COL6A5: variants seen among roughly 807,000 people sequenced by gnomAD.
The protein encoded by COL6A5 is collagen alpha-5(VI) chain.
COL6A5 carries 48 observed loss-of-function variants against 65.6 expected under a neutral mutation model. The observed-to-expected ratio is 0.73, with a 90% confidence interval of 0.58 to 0.93. The LOEUF (loss-of-function observed/expected upper bound fraction) is 0.93, where lower values mean the gene tolerates loss of function less well. Among genes scored for constraint, COL6A5 ranks in the 40% least tolerant of loss-of-function variants. The pLI is 0.00. For missense variants in COL6A5, 914 were observed against 928.3 expected (o/e 0.98, Z 0.20); for synonymous variants, 291 against 322.8 (o/e 0.90, Z 1.05).
chr3:130,351,248 C>T (rs941260339), intron 1 of COL6A5, among the ~76,000 whole-genome samples: 4 of 152,174 alleles, frequency 2.6e-5, no homozygotes, highest in African/African-American at 9.7e-5. Context: ...AGGACATAGG[C>T]ATGGGCAAGG....
At chr3:130,377,495 A>G (rs928217915) in intron 3 of COL6A5, among the ~76,000 whole-genome samples, 3 of 152,240 alleles carry the variant, frequency 2.0e-5, no homozygotes, top group Non-Finnish European at 4.4e-5. Context: ...ATGAGACACT[A>G]TTAGTACATG....
At chr3:130,460,645 G>A (rs1709681447) in intron 5 of COL6A5, among the ~76,000 whole-genome samples, 1 of 152,022 alleles carries the variant, frequency 6.6e-6, no homozygotes, top group Admixed American at 6.6e-5. Flanking sequence ...CGGTGGTGAT[G>A]ATAGTGTTGG....
chr3:130,449,611 A>T (rs529537190), intron 4 of COL6A5, among the ~76,000 whole-genome samples: 1 of 152,304 alleles, frequency 6.6e-6, no homozygotes, highest in East Asian at 1.9e-4. Context: ...CATCAGCACC[A>T]GTATCTACTA....
intron 17 of COL6A5, among the ~76,000 whole-genome samples, chr3:130,407,767 T>G (rs540687828): frequency 2.0e-5 from 3 of 152,216 alleles, no homozygotes; most frequent in Non-Finnish European, 4.4e-5. Flanking sequence ...TCAATATGCC[T>G]GCAAGGATCC....
exon 3 of COL6A5, chr3:130,376,666 C>A (rs528892434): frequency 6.2e-7 from 1 of 1,613,424 alleles, no homozygotes; most frequent in Non-Finnish European, 8.5e-7. Flanking sequence ...AAAATTATCT[C>A]CGTGGGGGTG....
At position 130,471,769 on chromosome 3, in the gene COL6A5, A is replaced by G. The variant is rs554216815; in HGVS notation, c.2328+802A>G. ...CCCAGGCACAACATCTCCTTGTATT[A>G]GGGAACAATCATAGTAGTGGTTCTG... On this transcript the variant is annotated intron_variant, in intron 7 of 7. Transcript: ENST00000512836. 1.2e-3 allele frequency: 1,871 copies of G among 1,534,704 alleles called. 4 individuals carry two copies. Among genetic ancestry groups the G allele is most frequent in the South Asian group, 1.7e-3 (146 of 84,008 alleles).
At chr3:130,407,004 T>A (rs1435867266) in intron 17 of COL6A5, among the ~76,000 whole-genome samples, 1 of 152,102 alleles carries the variant, frequency 6.6e-6, no homozygotes, top group Non-Finnish European at 1.5e-5. Context: ...TAGAATTACA[T>A]AAAATGTGAG....
chr3:130,413,640 G>T (rs1443835966), intron 21 of COL6A5, 60 bp downstream of exon 21: 1 of 1,489,972 alleles, frequency 6.7e-7, no homozygotes, highest in African/African-American at 1.4e-5. Flanking sequence ...TTTCTCCCAT[G>T]TAGGTGGTGC....
At chr3:130,352,797 G>A (rs1934772582) in intron 1 of COL6A5, among the ~76,000 whole-genome samples, 1 of 152,146 alleles carries the variant, frequency 6.6e-6, no homozygotes. Context: ...TTGGACAGAA[G>A]GAGATAACAT....
chr3:130,379,177 G>A (rs1014802409), intron 3 of COL6A5, among the ~76,000 whole-genome samples: 4 of 152,012 alleles, frequency 2.6e-5, no homozygotes, highest in Non-Finnish European at 4.4e-5. Flanking sequence ...CATGGGATGT[G>A]GTAGGGAAAT....
intron 7 of COL6A5, among the ~76,000 whole-genome samples, chr3:130,480,983 C>T (rs927588150): frequency 9.2e-5 from 14 of 151,974 alleles, no homozygotes; most frequent in African/African-American, 2.9e-4. Flanking sequence ...GAAACGCAGG[C>T]GCCTAAATTA....
chr3:130,354,300 G>A (rs1934839609), intron 1 of COL6A5, among the ~76,000 whole-genome samples: 2 of 152,130 alleles, frequency 1.3e-5, no homozygotes, highest in African/African-American at 4.8e-5. Flanking sequence ...AGCGGGAAAA[G>A]GAAATGAATG....
Position 130,422,789 on chromosome 3 carries a change from A to C in COL6A5, c.5100+7A>C. 6.8e-7 allele frequency: 1 copy of C among 1,461,272 alleles called. No individual in the cohort carries two copies. Among genetic ancestry groups the C allele is most frequent in the South Asian group, 1.3e-5 (1 of 74,140 alleles). 90.5% of individuals were successfully genotyped at this position (1,461,272 alleles called of 1,614,324 possible). ...AGGATTTAGGGGACTAGCAGTAAGT[A>C]GCCTATAATTCCAGAAATGATAAAT... is the stretch of plus-strand genomic sequence containing the variant. On this transcript the variant is annotated splice_region_variant and intron_variant and NMD_transcript_variant, in intron 28 of 41. Transcript: ENST00000312481.
At chr3:130,362,075 A>T (rs1249109692) in intron 1 of COL6A5, among the ~76,000 whole-genome samples, 1 of 151,766 alleles carries the variant, frequency 6.6e-6, no homozygotes, top group Non-Finnish European at 1.5e-5. Context: ...AGTACAGTTC[A>T]TTAATTATTT....
At chr3:130,417,610 T>C (rs1315742759) in intron 24 of COL6A5, among the ~76,000 whole-genome samples, 1 of 152,140 alleles carries the variant, frequency 6.6e-6, no homozygotes, top group East Asian at 1.9e-4. Flanking sequence ...CGTTGGTGCA[T>C]GTGGTTCTCG....
chr3:130,418,057 TAAA>T (rs1475496746), intron 24 of COL6A5, among the ~76,000 whole-genome samples: 1 of 151,812 alleles, frequency 6.6e-6, no homozygotes, highest in Non-Finnish European at 1.5e-5. Flanking sequence ...AAAGCAAAAA[TAAA>T]AAAGGAAAAG....
chr3:130,467,441 T>C (rs1577538154), intron 5 of COL6A5, among the ~76,000 whole-genome samples: 1 of 152,032 alleles, frequency 6.6e-6, no homozygotes, highest in Non-Finnish European at 1.5e-5. Flanking sequence ...TCCCAACTCA[T>C]TTTTTGAGGC....
exon 28 of COL6A5, chr3:130,422,741 AT>A: frequency 6.5e-7 from 1 of 1,532,104 alleles, no homozygotes; most frequent in Non-Finnish European, 8.8e-7. Flanking sequence ...TAATCCTGGA[AT>A]TCCTGGGGGA....
chr3:130,465,462 A>G (rs956396405), intron 5 of COL6A5, among the ~76,000 whole-genome samples: 2 of 152,096 alleles, frequency 1.3e-5, no homozygotes, highest in African/African-American at 4.8e-5. Context: ...GGAAAAGAAC[A>G]TAATTCACAT....
Sources: gnomAD v4.1 joint callset for allele counts (sites outside exome capture counted in the v4.1 genomes callset) on GRCh38, gnomAD v4.1.1 for gene constraint, MANE v1.5 for transcripts, NCBI Gene and HGNC (gene_info 2026-07-23, HGNC 2026-07-21) for gene names.